Variants in BLM observed in about 807,000 individuals in gnomAD.
BLM encodes the protein BLM RecQ like helicase.
BLM carries 95 observed loss-of-function variants against 135.3 expected under a neutral mutation model. The observed-to-expected ratio is 0.70, with a 90% CI of 0.59 to 0.83. BLM has a LOEUF of 0.83. Ranked by LOEUF, BLM falls within the 40% of genes least tolerant of loss-of-function variation. The probability of loss-of-function intolerance (pLI) is 0.00; values close to 1 mark genes in which losing one functional copy is unlikely to be tolerated. For missense variants in BLM, 1,518 were observed against 1,663.9 expected, an observed-to-expected ratio of 0.91 and a Z score of 1.53; for synonymous variants, 520 against 589.2, an observed-to-expected ratio of 0.88 and a Z score of 1.70.
Position 90,816,011 on chromosome 15 carries a change from G to A in BLM, c.*732G>A, listed in dbSNP as rs1183336724. 2.0e-5 allele frequency: 3 copies of A among 151,716 alleles called. No individual in the cohort carries two copies. Among genetic ancestry groups the A allele is most frequent in the Admixed American group, 1.3e-4 (2 of 15,220 alleles). 9.4% of individuals were successfully genotyped at this position (151,716 alleles called of 1,614,324 possible). ...CAAGAGAATCGCTTGAACCCAGGAGGCGGAGGTTGCAGTGAGCCGAGATCG... is the reference window on the plus strand; with the variant it reads ...CAAGAGAATCGCTTGAACCCAGGAGACGGAGGTTGCAGTGAGCCGAGATCG... On this transcript the variant is annotated 3_prime_UTR_variant, in exon 22 of 22. Coordinates refer to ENST00000355112, the MANE Select transcript of BLM (RefSeq NM_000057.4).
rs1197143678 is a variant in BLM, at chr15:90,761,147, C to A, written c.1774C>A (p.Pro592Thr). 1 of 1,531,278 alleles carries A rather than the reference C, an allele frequency of 6.5e-7. No individual in the cohort carries two copies. The allele number at this position is 1,531,278 out of a possible 1,614,324, so 94.9% of individuals were successfully genotyped here. Residue 592 changes from proline (P) to threonine (T), a missense_variant, in exon 7 of 22, where the codon CCA becomes ACA. By Grantham distance (38) the Pro-to-Thr change is conservative. This residue lies in a region of BLM where 724 missense variants were observed against 756.9 expected (regional missense o/e 0.96). Coordinates refer to ENST00000355112, the MANE Select transcript of BLM (RefSeq NM_000057.4). The stretch of plus-strand genomic sequence containing the variant: ...CTATCAACCCATCAAGGAAGGTCGG[C>A]CAATTAAATCAGTATCAGAAAGACT... ...AAYQPIKEGR[P>T]IKSVSERLSS...
intron 1 of BLM, among the ~76,000 whole-genome samples, chr15:90,736,330 C>G (rs937041392): frequency 6.6e-6 from 1 of 151,960 alleles, no homozygotes; most frequent in South Asian, 2.1e-4. Flanking sequence ...GTAGTGTGAT[C>G]TTGGCTCACT....
In BLM at chr15:90,723,472, G is replaced by A. The variant is rs1175672510; in HGVS notation, c.-5+6032G>A. On this transcript the variant is annotated intron_variant, in intron 1 of 21. Coordinates refer to ENST00000355112, the MANE Select transcript of BLM (RefSeq NM_000057.4). The stretch of plus-strand genomic sequence containing the variant: ...AGTTCAAGACCAGTCTGGCAACAAT[G>A]GGAGACTTGTCTCTATAAAAAATTT... 2.6e-5 allele frequency among the ~76,000 whole-genome samples: 4 copies of A among 151,738 alleles called. No individual in the cohort carries two copies. In the East Asian group the frequency reaches 5.8e-4, roughly 22 times the overall value.
Position 90,794,459 on chromosome 15 carries a change from TA to T in BLM, c.3210+104del, listed in dbSNP as rs28385103. 5.4e-4 allele frequency: 492 copies of T among 908,700 alleles called. 3 individuals carry two copies. The East Asian group carries it at 0.012, about 23-fold the overall frequency. The allele number at this position is 908,700 out of a possible 1,614,324, so 56.3% of individuals were successfully genotyped here. On this transcript the variant is annotated intron_variant, in intron 16 of 21. Coordinates refer to ENST00000355112, the MANE Select transcript of BLM (RefSeq NM_000057.4). ...TTGCAAAAGGTGGTCTCCGACAGATTAACAGGGGAAAGACAGCTTCCTTCCA... is the reference window on the plus strand; with the variant it reads ...TTGCAAAAGGTGGTCTCCGACAGATTACAGGGGAAAGACAGCTTCCTTCCA...
At chr15:90,767,129 A>G in intron 10 of BLM, 106 bp downstream of exon 10, 1 of 677,340 alleles carries the variant, frequency 1.5e-6, no homozygotes, top group East Asian at 2.9e-5. Context: ...GAATTTTTGT[A>G]CAACTTTCAT....
chr15:90,793,969 A>C (rs2151186971), intron 15 of BLM, 198 bp from the exon 16 acceptor site: 2 of 374,626 alleles, frequency 5.3e-6, no homozygotes, highest in East Asian at 9.0e-5. Flanking sequence ...CCTAACATTT[A>C]TTCCTATAGT....
At chr15:90,756,617 A>G (rs1895827181) in intron 5 of BLM, among the ~76,000 whole-genome samples, 2 of 152,236 alleles carry the variant, frequency 1.3e-5, no homozygotes, top group South Asian at 4.1e-4. Context: ...GAACAGGGGC[A>G]AGGACAGAGT....
chr15:90,741,582 C>G (rs1567031378), intron 1 of BLM, among the ~76,000 whole-genome samples: 1 of 152,154 alleles, frequency 6.6e-6, no homozygotes, highest in Non-Finnish European at 1.5e-5. Context: ...TTTTCTCTAT[C>G]TCTCTGTGTG....
intron 1 of BLM, among the ~76,000 whole-genome samples, chr15:90,746,467 A>C (rs1282460486): frequency 6.6e-6 from 1 of 152,210 alleles, no homozygotes; most frequent in Non-Finnish European, 1.5e-5. Flanking sequence ...AAGATTTCTC[A>C]ATTGGATGTA....
At chr15:90,750,463 A>G (rs986144766) in intron 3 of BLM, among the ~76,000 whole-genome samples, 13 of 152,208 alleles carry the variant, frequency 8.5e-5, no homozygotes, top group South Asian at 4.1e-4. Context: ...TCAATCTGAT[A>G]ACTGAGACCA....
intron 1 of BLM, among the ~76,000 whole-genome samples, 144 bp from the exon 2 acceptor site, chr15:90,747,237 CAAAAAAAA>C (rs59331923): frequency 4.8e-4 from 19 of 39,254 alleles, no homozygotes; most frequent in South Asian, 1.1e-3. Context: ...GTCTATTGAC[CAAAAAAAA>C]AAAAAAAAAA....
intron 21 of BLM, among the ~76,000 whole-genome samples, chr15:90,813,600 G>T (rs1284163252): frequency 6.6e-6 from 1 of 152,206 alleles, no homozygotes; most frequent in Non-Finnish European, 1.5e-5. Context: ...TGTTGGCCAG[G>T]CTGGTCTCGA....
Position 90,766,931 on chromosome 15 carries a change from G to A in BLM, c.2215G>A (p.Gly739Ser), listed in dbSNP as rs745642690. The change falls in exon 10 of 22, where the codon GGT becomes AGT. Residue 739 changes from glycine to serine, a missense_variant. Physicochemically the swap from Gly to Ser is moderately conservative, Grantham distance 56. This residue lies in a region of BLM where 626 missense variants were observed against 681.1 expected (regional missense o/e 0.92). Transcript: ENST00000355112. ...TTAGATTCCAGCTACATATCTGACAGGTGATAAGACTGACTCAGAAGCTAC... is the reference window on the plus strand; with the variant it reads ...TTAGATTCCAGCTACATATCTGACAAGTGATAAGACTGACTCAGAAGCTAC... Reference protein sequence around the residue: ...SLDIPATYLTGDKTDSEATNI... With the variant: ...SLDIPATYLTSDKTDSEATNI... 1.2e-6 allele frequency: 2 copies of A among 1,600,374 alleles called. No individual in the cohort carries two copies. The highest frequency in any genetic ancestry group is 1.7e-6 in the Non-Finnish European group (2 of 1,168,606).
At chr15:90,767,681 C>T (rs1423762987) in intron 10 of BLM, among the ~76,000 whole-genome samples, 1 of 152,104 alleles carries the variant, frequency 6.6e-6, no homozygotes, top group East Asian at 1.9e-4. Flanking sequence ...GTTAACTGAT[C>T]GCTTGGTTAT....
intron 12 of BLM, among the ~76,000 whole-genome samples, chr15:90,771,249 G>A (rs1896305410): frequency 6.6e-6 from 1 of 152,222 alleles, no homozygotes; most frequent in Non-Finnish European, 1.5e-5. Flanking sequence ...CACTTTGGGA[G>A]GCCGAGGCAG....
chr15:90,730,311 T>C (rs75024907), intron 1 of BLM, among the ~76,000 whole-genome samples: 6,943 of 152,276 alleles, frequency 0.046, 508 homozygotes, highest in African/African-American at 0.15. Context: ...AGTATATATC[T>C]GATAAAAGTA....
At chr15:90,774,796 T>C (rs1896427956) in intron 12 of BLM, among the ~76,000 whole-genome samples, 1 of 123,204 alleles carries the variant, frequency 8.1e-6, no homozygotes, top group Non-Finnish European at 1.6e-5. Flanking sequence ...ATCATGCCAC[T>C]ACACTCCAGC....
intron 1 of BLM, among the ~76,000 whole-genome samples, chr15:90,741,925 A>C (rs1173249390): frequency 6.6e-6 from 1 of 152,264 alleles, no homozygotes; most frequent in Middle Eastern, 3.4e-3. Flanking sequence ...AACACTTGTA[A>C]TTTTGTGTTT....
At chr15:90,732,124 T>C (rs763822391) in intron 1 of BLM, among the ~76,000 whole-genome samples, 1 of 152,238 alleles carries the variant, frequency 6.6e-6, no homozygotes, top group Non-Finnish European at 1.5e-5. Flanking sequence ...GATATTTTTA[T>C]GTGTAGATTT....
Sources: allele counts gnomAD v4.1 joint callset (sites outside exome capture counted in the v4.1 genomes callset), GRCh38; gene constraint gnomAD v4.1.1; regional missense constraint gnomAD v4.1.1; transcripts MANE v1.5; gene names NCBI Gene and HGNC (gene_info 2026-07-23, HGNC 2026-07-21).